Variants in SEC16B observed in about 807,000 individuals in gnomAD.
SEC16B encodes the protein protein transport protein Sec16B.
A neutral mutation model predicts 141.8 loss-of-function variants in SEC16B; 115 were observed. The observed-to-expected ratio is 0.81, with a 90% CI of 0.70 to 0.95. The LOEUF is 0.95. Ranked by LOEUF, SEC16B falls within the 40% of genes least tolerant of loss-of-function variation. SEC16B has a pLI of 0.00. For synonymous variants in SEC16B, 493 were observed against 492.5 expected (o/e 1.00, Z -0.01); for missense variants, 1,291 against 1,312.3 (o/e 0.98, Z 0.25).
At chr1:177,932,957 T>C in intron 22 of SEC16B, 151 bp from the exon 23 acceptor site, 1 of 768,134 alleles carries the variant, frequency 1.3e-6, no homozygotes, top group Non-Finnish European at 2.2e-6. Flanking sequence ...CCCACTCTTC[T>C]GCTCAACAAT....
Position 177,961,624 on chromosome 1 carries a change from G to A in SEC16B, c.753C>T (p.Pro251=), listed in dbSNP as rs745640873. 4 of 1,613,656 alleles carry A rather than the reference G, an allele frequency of 2.5e-6. No homozygotes were observed. The highest frequency in any genetic ancestry group is 3.4e-6 in the Non-Finnish European group (4 of 1,179,842). Residue 251 remains proline (P), a synonymous_variant, in exon 6 of 26, where the codon CCC becomes CCT. Transcript: ENST00000308284. ...CTGGACTCCAAGCTGCTGAAGCTGG[G>A]GGATCATCCCGCTCCGGGGCATCTC... ...YIRDAPERDD[P]PASAAWSPVQ... is the part of the protein sequence containing the mutation.
At position 177,932,525 on chromosome 1, in the gene SEC16B, C is replaced by A. The variant is rs1466513115; in HGVS notation, c.2977G>T (p.Ala993Ser). 6.4e-7 allele frequency: 1 copy of A among 1,558,370 alleles called. No homozygotes were observed. Among genetic ancestry groups the A allele is most frequent in the South Asian group, 1.2e-5 (1 of 83,838 alleles). Reference sequence around the variant, plus strand: ...GACAAGCCTCCAACCCCAGCGCCCGCAGCTGCTCCCCCGCTGGATGCGGAT... The same window carrying A: ...GACAAGCCTCCAACCCCAGCGCCCGAAGCTGCTCCCCCGCTGGATGCGGAT... The part of the protein sequence containing the change: ...RGSASSGGAA[A>S]GAGVGGLSGP... The change falls in exon 24 of 26, where the codon GCG becomes TCG. Residue 993 changes from alanine (A) to serine (S), a missense_variant. By Grantham distance (99) the Ala-to-Ser change is moderately conservative. Coordinates refer to ENST00000308284, the MANE Select transcript of SEC16B (RefSeq NM_033127.4).
intron 20 of SEC16B, among the ~76,000 whole-genome samples, chr1:177,936,065 A>G (rs1234786629): frequency 1.3e-5 from 2 of 152,228 alleles, no homozygotes; most frequent in African/African-American, 4.8e-5. Flanking sequence ...GAATCAGCTC[A>G]GTTGCTCCCT....
In SEC16B at chr1:177,936,486, A is replaced by G. The variant is rs543410974; in HGVS notation, c.2504-121T>C. On this transcript the variant is annotated intron_variant, in intron 19 of 25. Coordinates refer to ENST00000308284, the MANE Select transcript of SEC16B (RefSeq NM_033127.4). Reference sequence around the variant, plus strand: ...CTGCAGCAGAAGCTCGGAGCCCATAAGCCCAAGCCAATCACAGCAAATACA... The same window carrying G: ...CTGCAGCAGAAGCTCGGAGCCCATAGGCCCAAGCCAATCACAGCAAATACA... 5.3e-5 allele frequency: 43 copies of G among 817,846 alleles called. 1 individual carries two copies. Among genetic ancestry groups the G allele is most frequent in the South Asian group, 2.4e-4 (15 of 62,792 alleles). The allele number at this position is 817,846 out of a possible 1,614,324, so 50.7% of individuals were successfully genotyped here.
intron 13 of SEC16B, 27 bp downstream of exon 13, chr1:177,947,793 GGGAGC>G: frequency 7.1e-7 from 1 of 1,406,620 alleles, no homozygotes; most frequent in Non-Finnish European, 9.8e-7. Context: ...GGACAGGGAG[GGGAGC>G]GGAGGGGAAA....
chr1:177,958,642 C>T (rs2101974772), intron 9 of SEC16B, among the ~76,000 whole-genome samples, 198 bp downstream of exon 9: 1 of 152,246 alleles, frequency 6.6e-6, no homozygotes, highest in African/African-American at 2.4e-5. Flanking sequence ...TACAATTTTC[C>T]CAGACCAAGG....
In SEC16B at chr1:177,932,784, G is replaced by A. The variant is rs868631857; in HGVS notation, c.2846C>T (p.Pro949Leu). 2 of 1,612,594 alleles carry A rather than the reference G, an allele frequency of 1.2e-6. No homozygotes were observed. Among genetic ancestry groups the A allele is most frequent in the Non-Finnish European group, 1.7e-6 (2 of 1,179,516 alleles). The change falls in exon 23 of 26, where the codon CCC (proline) becomes CTC (leucine). Residue 949 changes from proline (P) to leucine (L), a missense_variant. Coordinates refer to ENST00000308284, the MANE Select transcript of SEC16B (RefSeq NM_033127.4). ...TGAGAGGCCCAGGCCAGCCTGGTGGGGAGAAGATGCTCTGGGGGTCTCCTG... is the reference window on the plus strand; with the variant it reads ...TGAGAGGCCCAGGCCAGCCTGGTGGAGAGAAGATGCTCTGGGGGTCTCCTG... ...DSEETPRASS[P>L]HQAGLGLSLT...
chr1:177,955,307 C>A (rs1357098144), intron 10 of SEC16B, among the ~76,000 whole-genome samples: 1 of 151,882 alleles, frequency 6.6e-6, no homozygotes, highest in Non-Finnish European at 1.5e-5. Flanking sequence ...CCAGCCCTGG[C>A]AACATAGCAA....
At chr1:177,938,494 C>A (rs1229493700) in intron 18 of SEC16B, among the ~76,000 whole-genome samples, 1 of 152,246 alleles carries the variant, frequency 6.6e-6, no homozygotes, top group Non-Finnish European at 1.5e-5. Flanking sequence ...AACTTAAATT[C>A]TTGTCTTACC....
intron 12 of SEC16B, chr1:177,948,503 GCC>G (rs1340224002): frequency 1.5e-6 from 2 of 1,304,226 alleles, no homozygotes; most frequent in South Asian, 2.5e-5. Context: ...AGAAAATCAA[GCC>G]AAGTGGCCCA....
chr1:177,975,581 A>G (rs1437522763), intron 1 of SEC16B, among the ~76,000 whole-genome samples: 1 of 152,148 alleles, frequency 6.6e-6, no homozygotes. Context: ...TGAGAGGCCC[A>G]CTCCAACAAG....
In SEC16B at chr1:177,970,033, T is replaced by C. The variant is rs1295215716; in HGVS notation, c.-208A>G. ...AGATCTACATCATGTCAGTTACCTT[T>C]GCAACTGCCCAACCTCCATGGAGCT... On this transcript the variant is annotated 5_prime_UTR_variant, in exon 1 of 26. Transcript: ENST00000308284. 1 of 152,332 alleles carries C rather than the reference T, an allele frequency of 6.6e-6. No individual in the cohort carries two copies. Among genetic ancestry groups the C allele is most frequent in the East Asian group, 1.9e-4 (1 of 5,200 alleles). 9.4% of individuals were successfully genotyped at this position (152,332 alleles called of 1,614,324 possible).
chr1:177,950,500 TG>T (rs1557978461), intron 12 of SEC16B, among the ~76,000 whole-genome samples: 1 of 151,910 alleles, frequency 6.6e-6, no homozygotes, highest in African/African-American at 2.4e-5. Flanking sequence ...TTATGTAATA[TG>T]AGAAAACAAG....
intron 5 of SEC16B, among the ~76,000 whole-genome samples, chr1:177,962,099 G>C (rs1016218857): frequency 6.6e-6 from 1 of 152,062 alleles, no homozygotes; most frequent in African/African-American, 2.4e-5. Context: ...TTTTGAGACA[G>C]AGTCTCACTC....
Position 177,958,133 on chromosome 1 carries a change from T to C in SEC16B, c.1364A>G (p.Lys455Arg). 6.7e-7 allele frequency: 1 copy of C among 1,498,106 alleles called. No homozygotes were observed. The highest frequency in any genetic ancestry group is 1.4e-5 in the South Asian group (1 of 69,164). The allele number at this position is 1,498,106 out of a possible 1,614,324, so 92.8% of individuals were successfully genotyped here. A position where few individuals can be genotyped will look rare whatever the true frequency, so the allele number is the denominator to read the frequency against. The change falls in exon 10 of 26, where the codon AAG (lysine) becomes AGG (arginine). Residue 455 changes from lysine (K) to arginine (R), a missense_variant and splice_region_variant. This residue lies in a region of SEC16B where 681 missense variants were observed against 675.5 expected (regional missense o/e 1.01). Transcript: ENST00000308284. ...FTRLLYYGRK[K>R]EALEWAMKNH... ...AGTATGGGGGAAGGGCATACTTGCC[T>C]TCTTCCTTCCATAGTAGAGCAGCCT...
chr1:177,956,029 A>G (rs1652573062), intron 10 of SEC16B, among the ~76,000 whole-genome samples: 1 of 152,270 alleles, frequency 6.6e-6, no homozygotes, highest in African/African-American at 2.4e-5. Flanking sequence ...AGCAGAGGTC[A>G]GCAAAATATG....
rs1214933057 is a variant in SEC16B at position 177,964,312 on chromosome 1, T to C, written c.534-33A>G. 3 of 1,532,540 alleles carry C rather than the reference T, an allele frequency of 2.0e-6. No individual in the cohort carries two copies. The South Asian group carries it at 3.5e-5, about 18-fold the overall frequency. The allele number at this position is 1,532,540 out of a possible 1,614,324, so 94.9% of individuals were successfully genotyped here. A position where few individuals can be genotyped will look rare whatever the true frequency, so the allele number is the denominator to read the frequency against. On this transcript the variant is annotated intron_variant, in intron 4 of 25. Coordinates refer to ENST00000308284, the MANE Select transcript of SEC16B (RefSeq NM_033127.4). The stretch of plus-strand genomic sequence containing the variant: ...AAAATGACAGGAGCAGTGAGCGGGG[T>C]CCTGGGCAAGCCAGCAAGGCTGAGG...
chr1:177,940,508 C>A, intron 17 of SEC16B, 102 bp downstream of exon 17: 2 of 774,300 alleles, frequency 2.6e-6, no homozygotes. Flanking sequence ...GCATGGGGAC[C>A]AGGGACTTGC....
intron 11 of SEC16B, 115 bp downstream of exon 11, chr1:177,954,164 T>A (rs779936549): frequency 5.9e-6 from 4 of 679,108 alleles, no homozygotes; most frequent in Non-Finnish European, 1.0e-5. Context: ...CATGGAAAGA[T>A]CCCTGGAGTG....
Sources: gnomAD v4.1 joint callset for allele counts (sites outside exome capture counted in the v4.1 genomes callset) on GRCh38, gnomAD v4.1.1 for gene constraint, gnomAD v4.1.1 regional missense constraint, MANE v1.5 for transcripts, NCBI Gene and HGNC (gene_info 2026-07-23, HGNC 2026-07-21) for gene names.